Variants in CDH5 observed in about 807,000 individuals in gnomAD.
CDH5 encodes cadherin-5.
Under a neutral mutation model 62.0 loss-of-function variants are expected in CDH5, and 28 were observed. That is an observed-to-expected ratio of 0.45 (90% confidence interval 0.33 to 0.62). The LOEUF is 0.62. CDH5 is among the 20% of genes least tolerant of loss of function. The pLI, the probability that CDH5 is intolerant of heterozygous loss-of-function variation, is 0.02. For missense variants in CDH5, 940 were observed against 1,065.1 expected, an observed-to-expected ratio of 0.88 and a Z score of 1.63; for synonymous variants, 464 against 445.8, an observed-to-expected ratio of 1.04 and a Z score of -0.52.
chr16:66,400,681 T>C (rs1961263937), intron 10 of CDH5, 90 bp from the exon 11 acceptor site: 2 of 1,497,368 alleles, frequency 1.3e-6, no homozygotes, highest in South Asian at 2.3e-5. Context: ...GCACGCAGGC[T>C]GGTGCAGTCA....
intron 1 of CDH5, among the ~76,000 whole-genome samples, chr16:66,370,805 A>G (rs898768875): frequency 6.6e-6 from 1 of 152,246 alleles, no homozygotes; most frequent in Non-Finnish European, 1.5e-5. Flanking sequence ...AGCCTGGGCA[A>G]AAAGCCTGCT....
In CDH5 at chr16:66,379,388, G is replaced by T. The variant is rs1960843727; in HGVS notation, c.51G>T (p.Leu17=). 6.2e-7 allele frequency: 1 copy of T among 1,614,058 alleles called. No homozygotes were observed. Among genetic ancestry groups the T allele is most frequent in the Non-Finnish European group, 8.5e-7 (1 of 1,179,966 alleles). The change falls in exon 2 of 12, where the codon CTG becomes CTT. Residue 17 remains leucine (L), a synonymous_variant. Coordinates refer to ENST00000341529, the MANE Select transcript of CDH5 (RefSeq NM_001795.5). ...CCACATCGGGCGCCTGCCTGGGCCTGCTGGCAGTGGCAGCAGTGGCAGCAG... is the reference window on the plus strand; with the variant it reads ...CCACATCGGGCGCCTGCCTGGGCCTTCTGGCAGTGGCAGCAGTGGCAGCAG... ...LLATSGACLG[L]LAVAAVAAAG... is the part of the protein sequence containing the mutation.
At chr16:66,389,303 C>A in intron 4 of CDH5, 55 bp from the exon 5 acceptor site, 1 of 1,551,410 alleles carries the variant, frequency 6.4e-7, no homozygotes, top group South Asian at 1.2e-5. Flanking sequence ...AGGCCCTAGG[C>A]ATCGGTATTT....
rs544435052 is a variant in CDH5 at position 66,379,757 on chromosome 16, A to G, written c.210+210A>G. Among the ~76,000 whole-genome samples the G allele has an allele frequency of 5.3e-5, 8 of 152,154 alleles. No homozygotes were observed. The South Asian group carries it at 1.7e-3, about 32-fold the overall frequency. ...AATGGTAGCAATGGTGGTGGTAGTGATAGTGATGGTGGTGAGGATGGGAAA... is the reference window on the plus strand; with the variant it reads ...AATGGTAGCAATGGTGGTGGTAGTGGTAGTGATGGTGGTGAGGATGGGAAA... On this transcript the variant is annotated intron_variant, in intron 2 of 11. Transcript: ENST00000341529.
At chr16:66,396,311 C>A in intron 8 of CDH5, 110 bp downstream of exon 8, 2 of 1,325,232 alleles carry the variant, frequency 1.5e-6, no homozygotes, top group Non-Finnish European at 2.1e-6. Context: ...GAAGTGCCTG[C>A]TGAAGCACCC....
intron 11 of CDH5, among the ~76,000 whole-genome samples, chr16:66,401,573 C>T (rs1284068555): frequency 6.6e-6 from 1 of 152,090 alleles, no homozygotes; most frequent in Non-Finnish European, 1.5e-5. Context: ...CAGGGAGCAG[C>T]CCTGGGATGA....
intron 2 of CDH5, among the ~76,000 whole-genome samples, chr16:66,379,802 G>A (rs1426557843): frequency 1.3e-5 from 2 of 151,912 alleles, no homozygotes; most frequent in Non-Finnish European, 2.9e-5. Context: ...GGTGGTGGGA[G>A]TGGTGAGAAT....
intron 2 of CDH5, among the ~76,000 whole-genome samples, chr16:66,379,952 GTGA>G (rs1445328717): frequency 1.2e-5 from 1 of 85,068 alleles, no homozygotes; most frequent in Non-Finnish European, 2.7e-5. Flanking sequence ...GGTGATGGTG[GTGA>G]TGATAAAGGG....
intron 1 of CDH5, among the ~76,000 whole-genome samples, chr16:66,371,465 CG>C (rs1359111780): frequency 1.3e-5 from 2 of 152,088 alleles, no homozygotes; most frequent in Admixed American, 6.5e-5. Flanking sequence ...TAGCTGAAAG[CG>C]GGTGTGCTGG....
At chr16:66,393,370 A>G (rs1186709837) in intron 7 of CDH5, among the ~76,000 whole-genome samples, 1 of 152,208 alleles carries the variant, frequency 6.6e-6, no homozygotes, top group African/African-American at 2.4e-5. Flanking sequence ...TAAAGAAAAG[A>G]GGTTTAACAG....
chr16:66,389,617 C>T, intron 5 of CDH5, 95 bp downstream of exon 5: 1 of 1,109,446 alleles, frequency 9.0e-7, no homozygotes, highest in Non-Finnish European at 1.3e-6. Flanking sequence ...ATCACTTTAC[C>T]TCTCCCTCTA....
intron 1 of CDH5, among the ~76,000 whole-genome samples, chr16:66,367,963 GA>G (rs1960617545): frequency 6.6e-6 from 1 of 152,170 alleles, no homozygotes; most frequent in East Asian, 1.9e-4. Flanking sequence ...ATGTGATAAA[GA>G]TTTTGGCCCT....
rs865964402 is a variant in CDH5 at position 66,373,664 on chromosome 16, G to A, written c.-19-5655G>A. On this transcript the variant is annotated intron_variant, in intron 1 of 11. Coordinates refer to ENST00000341529, the MANE Select transcript of CDH5 (RefSeq NM_001795.5). ...ACTCCTGACCTCAAGTGATCCACCCGCCACAGTTTCCCAAAGTTAGTGGCC... is the reference window on the plus strand; with the variant it reads ...ACTCCTGACCTCAAGTGATCCACCCACCACAGTTTCCCAAAGTTAGTGGCC... Among the ~76,000 whole-genome samples the A allele has an allele frequency of 2.0e-5, 3 of 152,014 alleles. 1 individual carries two copies. The highest frequency in any genetic ancestry group is 2.9e-5 in the Non-Finnish European group (2 of 68,012).
chr16:66,399,506 C>T (rs1030029253), intron 10 of CDH5, among the ~76,000 whole-genome samples: 6 of 152,156 alleles, frequency 3.9e-5, no homozygotes, highest in African/African-American at 7.2e-5. Context: ...AAGTTGGAGG[C>T]AGACTTGAGG....
In CDH5 at chr16:66,400,978, C is replaced by G; in HGVS notation, c.1799C>G (p.Ala600Gly). The change falls in exon 11 of 12, where the codon GCA becomes GGA. Residue 600 changes from alanine (A) to glycine (G), a missense_variant. Physicochemically the swap from Ala to Gly is moderately conservative, Grantham distance 60. Coordinates refer to ENST00000341529, the MANE Select transcript of CDH5 (RefSeq NM_001795.5). The stretch of plus-strand genomic sequence containing the variant: ...GCCCAGGTGGGCGTGAGCATCCAGG[C>G]AGTGGTAGCCATCTTACTCTGCATC... The part of the protein sequence containing the change: ...MAAQVGVSIQ[A>G]VVAILLCILT... 6.2e-7 allele frequency: 1 copy of G among 1,614,098 alleles called. No individual in the cohort carries two copies. Among genetic ancestry groups the G allele is most frequent in the Non-Finnish European group, 8.5e-7 (1 of 1,180,052 alleles).
intron 2 of CDH5, among the ~76,000 whole-genome samples, chr16:66,380,482 G>T (rs1343928039): frequency 6.7e-6 from 1 of 150,060 alleles, no homozygotes; most frequent in Non-Finnish European, 1.5e-5. Context: ...GGTTGTGATG[G>T]TGGTGATCAC....
Position 66,400,900 on chromosome 16 carries a change from C to T in CDH5, c.1721C>T (p.Ala574Val), listed in dbSNP as rs1419836723. ...SRTGTSTLTV[A>V]VCKCNEQGEF... is the part of the protein sequence containing the mutation. ...ACGGGCACCAGCACGCTGACCGTGG[C>T]CGTGTGCAAGTGCAACGAGCAGGGC... The change falls in exon 11 of 12, where the codon GCC becomes GTC. Residue 574 changes from alanine to valine, a missense_variant. Coordinates refer to ENST00000341529, the MANE Select transcript of CDH5 (RefSeq NM_001795.5). The T allele has an allele frequency of 6.2e-6, 10 of 1,614,052 alleles. No homozygotes were observed. Among genetic ancestry groups the T allele is most frequent in the Non-Finnish European group, 8.5e-6 (10 of 1,180,054 alleles).
At position 66,396,321 on chromosome 16, in the gene CDH5, C is replaced by A; in HGVS notation, c.1360+120C>A. ...TATTAGAAGTGCCTGCTGAAGCACC[C>A]GCTGGTTGGGATGCTATAGAGCTCC... On this transcript the variant is annotated intron_variant, in intron 8 of 11. Transcript: ENST00000341529. 3 of 1,239,862 alleles carry A rather than the reference C, an allele frequency of 2.4e-6. No homozygotes were observed. The South Asian group carries it at 3.9e-5, about 16-fold the overall frequency. 76.8% of individuals were successfully genotyped at this position (1,239,862 alleles called of 1,614,324 possible).
intron 1 of CDH5, among the ~76,000 whole-genome samples, chr16:66,378,729 C>T (rs555602311): frequency 7.9e-5 from 12 of 152,332 alleles, no homozygotes; most frequent in Admixed American, 1.3e-4. Flanking sequence ...CCTGCACTTG[C>T]TTCCGTCCTA....
Sources: gnomAD v4.1 joint callset for allele counts (sites outside exome capture counted in the v4.1 genomes callset) on GRCh38, gnomAD v4.1.1 for gene constraint, MANE v1.5 for transcripts, NCBI Gene and HGNC (gene_info 2026-07-23, HGNC 2026-07-21) for gene names.